Variants in CTIF observed in about 807,000 individuals in gnomAD.
The protein encoded by CTIF is cap binding complex dependent translation initiation factor.
In CTIF, 21 loss-of-function variants were observed where a neutral mutation model predicts 66.0. The observed-to-expected ratio is 0.32, with a 90% CI of 0.23 to 0.46. CTIF has a LOEUF of 0.46. Among genes scored for constraint, CTIF ranks in the 20% least tolerant of loss-of-function variants. The pLI, the probability that CTIF is intolerant of heterozygous loss-of-function variation, is 1.00. For missense variants in CTIF, 739 were observed against 812.7 expected (o/e 0.91, Z 1.10); for synonymous variants, 345 against 326.4 (o/e 1.06, Z -0.62).
At chr18:48,775,852 G>A (rs1431692996) in intron 9 of CTIF, among the ~76,000 whole-genome samples, 1 of 152,182 alleles carries the variant, frequency 6.6e-6, no homozygotes. Flanking sequence ...AGGAGGTACC[G>A]CCAGCCTGGC....
intron 5 of CTIF, among the ~76,000 whole-genome samples, chr18:48,665,397 G>A (rs901662578): frequency 2.0e-5 from 3 of 152,198 alleles, no homozygotes; most frequent in African/African-American, 4.8e-5. Flanking sequence ...ACCTCAGGAC[G>A]GGAATGTGAC....
chr18:48,670,606 C>G, intron 5 of CTIF, 63 bp from the exon 6 acceptor site: 1 of 1,446,690 alleles, frequency 6.9e-7, no homozygotes, highest in Non-Finnish European at 9.7e-7. Flanking sequence ...TCCTGCTGGC[C>G]GGATGGGACA....
intron 1 of CTIF, among the ~76,000 whole-genome samples, chr18:48,562,405 T>C (rs2089184288): frequency 2.0e-5 from 3 of 152,248 alleles, no homozygotes; most frequent in Admixed American, 2.0e-4. Flanking sequence ...TCTTATCCAC[T>C]GGGCCATGCT....
intron 1 of CTIF, among the ~76,000 whole-genome samples, chr18:48,551,734 T>C (rs191045590): frequency 6.6e-6 from 1 of 152,210 alleles, no homozygotes; most frequent in East Asian, 1.9e-4. Flanking sequence ...GAGATGTCTG[T>C]AAACGCAGGG....
chr18:48,633,617 G>A (rs1305764549), intron 2 of CTIF, among the ~76,000 whole-genome samples: 1 of 151,968 alleles, frequency 6.6e-6, no homozygotes. Context: ...CAAGAGAATC[G>A]CTTGAACCTG....
chr18:48,765,690 G>C lies in CTIF; in HGVS notation c.1371+4001G>C, dbSNP rs75822428. On this transcript the variant is annotated intron_variant, in intron 9 of 11. Coordinates refer to ENST00000256413, the MANE Select transcript of CTIF (RefSeq NM_014772.3). ...GTTTAAGGTCCTTTAACCCTTCCCA[G>C]CCAGACTCAACACTGCTATCTCAAG... Among the ~76,000 whole-genome samples the C allele has an allele frequency of 9.1e-3, 1,389 of 152,278 alleles. 25 individuals are homozygous for C. The highest frequency in any genetic ancestry group is 0.031 in the African/African-American group (1,286 of 41,562).
chr18:48,833,356 G>A (rs1022972157), intron 10 of CTIF, among the ~76,000 whole-genome samples: 3 of 152,172 alleles, frequency 2.0e-5, no homozygotes, highest in African/African-American at 7.2e-5. Context: ...TGTGGGCTGC[G>A]AGTCTTGGAT....
chr18:48,858,781 C>T (rs978473186), intron 11 of CTIF, among the ~76,000 whole-genome samples: 1 of 152,262 alleles, frequency 6.6e-6, no homozygotes, highest in African/African-American at 2.4e-5. Flanking sequence ...CCCCCACTTC[C>T]TGTCACAAGC....
At chr18:48,834,232 G>C (rs9954673) in intron 10 of CTIF, among the ~76,000 whole-genome samples, 2,210 of 152,316 alleles carry the variant, frequency 0.015, 47 homozygotes, top group African/African-American at 0.051. Flanking sequence ...CCTCCACTCT[G>C]TCTTCATAGC....
intron 3 of CTIF, among the ~76,000 whole-genome samples, chr18:48,637,466 C>T (rs535414831): frequency 3.3e-5 from 5 of 152,332 alleles, no homozygotes; most frequent in East Asian, 3.9e-4. Context: ...CCGACTATGC[C>T]TGTCTGGAAA....
intron 1 of CTIF, among the ~76,000 whole-genome samples, chr18:48,608,786 C>G (rs1177857103): frequency 6.6e-6 from 1 of 152,208 alleles, no homozygotes; most frequent in Admixed American, 6.5e-5. Flanking sequence ...TCGGTACTCT[C>G]TCTGCTCCAG....
intron 9 of CTIF, among the ~76,000 whole-genome samples, chr18:48,816,764 C>T (rs938723978): frequency 6.6e-6 from 1 of 152,258 alleles, no homozygotes; most frequent in Non-Finnish European, 1.5e-5. Flanking sequence ...TCTGTTGCCA[C>T]TGCTGATGAT....
chr18:48,741,792 G>C (rs2092557052), intron 7 of CTIF, among the ~76,000 whole-genome samples: 1 of 152,152 alleles, frequency 6.6e-6, no homozygotes, highest in East Asian at 1.9e-4. Context: ...ATGGGGCTGA[G>C]AGCCTCCCAC....
chr18:48,574,089 A>G (rs1198277990), intron 1 of CTIF, among the ~76,000 whole-genome samples: 1 of 151,276 alleles, frequency 6.6e-6, no homozygotes, highest in African/African-American at 2.4e-5. Context: ...ACCTCCCCTC[A>G]CCTCTTCTTT....
At chr18:48,637,715 G>A (rs2090849734) in intron 3 of CTIF, among the ~76,000 whole-genome samples, 1 of 152,176 alleles carries the variant, frequency 6.6e-6, no homozygotes, top group Admixed American at 6.5e-5. Flanking sequence ...ATGGTGTGGA[G>A]GGACGGCTGC....
intron 1 of CTIF, among the ~76,000 whole-genome samples, chr18:48,595,158 G>C (rs1230780138): frequency 2.6e-5 from 4 of 152,230 alleles, no homozygotes; most frequent in Non-Finnish European, 4.4e-5. Context: ...GATGGGGTCA[G>C]GGGACCTGGC....
chr18:48,624,095 C>T (rs113856270), intron 2 of CTIF, among the ~76,000 whole-genome samples: 1 of 144,180 alleles, frequency 6.9e-6, no homozygotes, highest in African/African-American at 2.7e-5. Context: ...CACGCCCCTC[C>T]CCATGCTTGA....
intron 1 of CTIF, among the ~76,000 whole-genome samples, chr18:48,555,119 G>A (rs187460422): frequency 2.8e-4 from 42 of 152,278 alleles, no homozygotes; most frequent in Admixed American, 2.3e-3. Flanking sequence ...ATGGGGACAC[G>A]GAATGGAATA....
At chr18:48,724,419 G>C (rs985685213) in intron 7 of CTIF, among the ~76,000 whole-genome samples, 1 of 152,086 alleles carries the variant, frequency 6.6e-6, no homozygotes, top group African/African-American at 2.4e-5. Flanking sequence ...CCAGACCCCA[G>C]TCTTCTCGCT....
Sources: gnomAD v4.1 joint callset for allele counts (sites outside exome capture counted in the v4.1 genomes callset) on GRCh38, gnomAD v4.1.1 for gene constraint, MANE v1.5 for transcripts, NCBI Gene and HGNC (gene_info 2026-07-23, HGNC 2026-07-21) for gene names.